Variants in MYO16 observed in about 807,000 individuals in gnomAD.
MYO16 encodes the protein unconventional myosin-XVI.
A neutral mutation model predicts 205.3 loss-of-function variants in MYO16; 94 were observed. That is an observed-to-expected ratio of 0.46 (90% confidence interval 0.39 to 0.54). The LOEUF (loss-of-function observed/expected upper bound fraction) is 0.54, where lower values mean the gene tolerates loss of function less well. Ranked by LOEUF, MYO16 falls within the 20% of genes least tolerant of loss-of-function variation. MYO16 has a pLI of 0.00. For missense variants in MYO16, 2,315 were observed against 2,387.5 expected (o/e 0.97, Z 0.63); for synonymous variants, 988 against 954.0 (o/e 1.04, Z -0.66).
At chr13:109,075,484 G>A (rs1032481870) in intron 27 of MYO16, among the ~76,000 whole-genome samples, 26 of 124,606 alleles carry the variant, frequency 2.1e-4, no homozygotes, top group African/African-American at 6.9e-4. Context: ...CCACCTCCTG[G>A]GTTCAAGCGA....
the MYO16 span, among the ~76,000 whole-genome samples, chr13:108,516,449 G>A: frequency 1.2e-4 from 18 of 152,132 alleles, no homozygotes; most frequent in South Asian, 2.1e-4. Flanking sequence ...CGTCGCTCAC[G>A]CTGGGAGCTG....
intron 21 of MYO16, among the ~76,000 whole-genome samples, chr13:109,007,383 G>A (rs568062933): frequency 8.0e-5 from 12 of 149,614 alleles, no homozygotes; most frequent in East Asian, 3.9e-4. Context: ...GCGAGACTCC[G>A]TCTCAAAAAA....
At chr13:109,136,208 C>G (rs1287909834) in intron 31 of MYO16, among the ~76,000 whole-genome samples, 1 of 152,050 alleles carries the variant, frequency 6.6e-6, no homozygotes. Context: ...ATTCTCCTGC[C>G]TCAGCCTCCC....
chr13:108,500,230 TTGTTTTTTTTGTTTTTTTTTTTTG>T, the MYO16 span, among the ~76,000 whole-genome samples: 2 of 6,124 alleles, frequency 3.3e-4, no homozygotes, highest in African/African-American at 6.8e-4. Context: ...TGTTTTTTTT[TTGTTTTTTTTGTTTTTTTTTTTTG>T]AGACGGAGTC....
the MYO16 span, among the ~76,000 whole-genome samples, chr13:108,564,828 A>G: frequency 6.6e-6 from 1 of 152,154 alleles, no homozygotes; most frequent in African/African-American, 2.4e-5. Context: ...TGATTTTTGT[A>G]TAAGGCAAAG....
At chr13:108,529,527 G>A in the MYO16 span, among the ~76,000 whole-genome samples, 3 of 152,016 alleles carry the variant, frequency 2.0e-5, no homozygotes, top group Non-Finnish European at 4.4e-5. Context: ...ACTGATGTTC[G>A]CCGTGCACAT....
At position 108,717,184 on chromosome 13, in the gene MYO16, G is replaced by A. The variant is rs540164486; in HGVS notation, c.363+4453G>A. Among the ~76,000 whole-genome samples, 21 of 152,252 alleles carry A rather than the reference G, an allele frequency of 1.4e-4. No individual in the cohort carries two copies. In the South Asian group the frequency reaches 3.9e-3, roughly 29 times the overall value. ...TTATTCGATGAGCAATTGAGAAGGC[G>A]CTCCCAATGGTAACTGAACCCTCCA... On this transcript the variant is annotated intron_variant, in intron 3 of 34. Coordinates refer to ENST00000457511, the MANE Select transcript of MYO16 (RefSeq NM_001198950.3).
At chr13:109,153,895 A>G (rs1877830625) in intron 32 of MYO16, among the ~76,000 whole-genome samples, 2 of 152,162 alleles carry the variant, frequency 1.3e-5, no homozygotes, top group Admixed American at 1.3e-4. Context: ...GTGTGAATCC[A>G]CTGGAAGCTT....
chr13:108,757,594 A>G (rs1594269865), intron 4 of MYO16, among the ~76,000 whole-genome samples: 1 of 151,942 alleles, frequency 6.6e-6, no homozygotes, highest in African/African-American at 2.4e-5. Context: ...TCGTCATTTA[A>G]CATTAGGTAT....
intron 23 of MYO16, among the ~76,000 whole-genome samples, chr13:109,022,684 A>G (rs1431229694): frequency 1.9e-5 from 1 of 53,468 alleles, no homozygotes; most frequent in African/African-American, 5.4e-5. Context: ...ATACACATAT[A>G]AACATGTATA....
At chr13:108,527,300 T>C in the MYO16 span, among the ~76,000 whole-genome samples, 1 of 152,214 alleles carries the variant, frequency 6.6e-6, no homozygotes, top group African/African-American at 2.4e-5. Context: ...AAGTTCATGA[T>C]GACAAGCTGC....
intron 22 of MYO16, 59 bp downstream of exon 22, chr13:109,009,108 A>C: frequency 7.3e-7 from 1 of 1,366,234 alleles, no homozygotes; most frequent in Non-Finnish European, 9.7e-7. Flanking sequence ...TATACTGGAG[A>C]CAAAGAATTT....
chr13:108,772,881 T>TA (rs1886013421), intron 4 of MYO16, among the ~76,000 whole-genome samples: 1 of 152,048 alleles, frequency 6.6e-6, no homozygotes, highest in South Asian at 2.1e-4. Flanking sequence ...GGGGAAAATA[T>TA]AAATGATGGG....
chr13:109,039,069 G>A (rs1477391846), intron 23 of MYO16, among the ~76,000 whole-genome samples: 6 of 152,178 alleles, frequency 3.9e-5, no homozygotes, highest in Non-Finnish European at 7.4e-5. Context: ...AAGAATGACT[G>A]GAGGCTTAGT....
In MYO16 at chr13:108,962,421, T is replaced by C; in HGVS notation, c.2156-3T>C. The C allele has an allele frequency of 2.5e-6, 4 of 1,602,250 alleles. No individual in the cohort carries two copies. The highest frequency in any genetic ancestry group is 1.1e-5 in the South Asian group (1 of 88,732). ...TATGTTTATAATGCTGATTTAATTT[T>C]AGTGGCTGGAATGTTACAAGTATCA... On this transcript the variant is annotated splice_polypyrimidine_tract_variant and splice_region_variant and intron_variant, in intron 18 of 34. Coordinates refer to ENST00000457511, the MANE Select transcript of MYO16 (RefSeq NM_001198950.3).
chr13:109,015,269 G>T (rs1026140141), intron 22 of MYO16, among the ~76,000 whole-genome samples: 1 of 152,114 alleles, frequency 6.6e-6, no homozygotes, highest in Non-Finnish European at 1.5e-5. Flanking sequence ...TACGTTTATC[G>T]ATTTGTGTAT....
At chr13:108,793,078 T>C (rs1455891505) in intron 5 of MYO16, among the ~76,000 whole-genome samples, 1 of 151,994 alleles carries the variant, frequency 6.6e-6, no homozygotes, top group Non-Finnish European at 1.5e-5. Context: ...GGTCAGGATA[T>C]CGAGACCATC....
intron 28 of MYO16, among the ~76,000 whole-genome samples, chr13:109,105,870 A>G (rs895374665): frequency 1.3e-5 from 2 of 152,216 alleles, no homozygotes; most frequent in African/African-American, 4.8e-5. Flanking sequence ...TGTTTCCTTA[A>G]CATACTCAAA....
chr13:109,141,237 T>A lies in MYO16; in HGVS notation c.5025T>A (p.Ser1675Arg). Residue 1675 changes from serine to arginine, a missense_variant, in exon 32 of 35, where the codon AGT becomes AGA. Physicochemically the swap from Ser to Arg is moderately radical, Grantham distance 110 (BLOSUM62 -1). This residue lies in a region of MYO16 where 1,097 missense variants were observed against 1,092.0 expected (regional missense o/e 1.00). Transcript: ENST00000457511. This position sits in a 1 kb window ranked among gnomAD's most constrained non-coding sequence, Gnocchi z 4.1. ...CGGACGCCAGGAAGGCCGGCTCCAG[T>A]GCCTCGCCCCCCGCGCCCTACAGCC... ...TRADARKAGS[S>R]ASPPAPYSPP... is the part of the protein sequence containing the mutation. 1.9e-6 allele frequency: 3 copies of A among 1,605,374 alleles called. No homozygotes were observed. The highest frequency in any genetic ancestry group is 1.1e-5 in the South Asian group (1 of 90,600).
Sources: allele counts gnomAD v4.1 joint callset (sites outside exome capture counted in the v4.1 genomes callset), GRCh38; gene constraint gnomAD v4.1.1; regional missense constraint gnomAD v4.1.1; non-coding constraint Gnocchi (gnomAD v3.1); transcripts MANE v1.5; gene names NCBI Gene and HGNC (gene_info 2026-07-23, HGNC 2026-07-21).